ZNF451: variants seen among roughly 807,000 people sequenced by gnomAD.
ZNF451 encodes the protein E3 SUMO-protein ligase ZNF451.
ZNF451 carries 80 observed loss-of-function variants against 107.1 expected under a neutral mutation model. That is an observed-to-expected ratio of 0.75 (90% confidence interval 0.62 to 0.90). The LOEUF is 0.90. ZNF451 is among the 40% of genes least tolerant of loss of function. The pLI is 0.00. For synonymous variants in ZNF451, 362 were observed against 406.5 expected (o/e 0.89, Z 1.32); for missense variants, 1,107 against 1,236.2 (o/e 0.90, Z 1.57).
At position 57,152,276 on chromosome 6, in the gene ZNF451, C is replaced by T; in HGVS notation, c.2808C>T (p.Asn936=). 1 of 1,613,840 alleles carries T rather than the reference C, an allele frequency of 6.2e-7. No homozygotes were observed. The highest frequency in any genetic ancestry group is 8.5e-7 in the Non-Finnish European group (1 of 1,179,882). ...ACTGTAAGATTTATAACTACCTGAACAGGATTGGATGCTTCTTCCTTCATC... is the reference window on the plus strand; with the variant it reads ...ACTGTAAGATTTATAACTACCTGAATAGGATTGGATGCTTCTTCCTTCATC... The part of the protein sequence containing the change: ...PLNCKIYNYL[N]RIGCFFLHPR... The change falls in exon 12 of 15, where the codon AAC becomes AAT. Residue 936 remains asparagine (N), a synonymous_variant. Transcript: ENST00000370706.
At chr6:57,094,635 A>G (rs968259362) in intron 2 of ZNF451, among the ~76,000 whole-genome samples, 1 of 152,142 alleles carries the variant, frequency 6.6e-6, no homozygotes, top group African/African-American at 2.4e-5. Context: ...ATTATACCAA[A>G]TTATTTTTTC....
At chr6:57,099,195 T>C in intron 3 of ZNF451, 54 bp downstream of exon 3, 2 of 1,373,826 alleles carry the variant, frequency 1.5e-6, no homozygotes, top group Non-Finnish European at 2.1e-6. Flanking sequence ...TTAAGAGGTA[T>C]TCTCTAAAGA....
chr6:57,161,137 T>C lies in ZNF451; in HGVS notation c.3124T>C (p.Phe1042Leu). 1.3e-6 allele frequency: 2 copies of C among 1,535,248 alleles called. No individual in the cohort carries two copies. The highest frequency in any genetic ancestry group is 2.4e-5 in the East Asian group (1 of 42,086). ...CAAAAATACTTCAATAGGAGAAGAA[T>C]TTATATCCACAGAAGGTAACCTAAT... The part of the protein sequence containing the change: ...GAKNTSIGEE[F>L]ISTEDVELEE... Residue 1042 changes from phenylalanine to leucine, a missense_variant, in exon 14 of 15, where the codon TTT becomes CTT. Coordinates refer to ENST00000370706, the MANE Select transcript of ZNF451 (RefSeq NM_001031623.3).
At chr6:57,100,921 A>T in intron 3 of ZNF451, 2 of 1,550,838 alleles carry the variant, frequency 1.3e-6, no homozygotes, top group South Asian at 1.2e-5. Flanking sequence ...GAATTTACGT[A>T]TAGATTCTTC....
intron 7 of ZNF451, among the ~76,000 whole-genome samples, chr6:57,138,055 C>G (rs1831521077): frequency 6.6e-6 from 1 of 152,158 alleles, no homozygotes; most frequent in African/African-American, 2.4e-5. Flanking sequence ...AACAATGCTT[C>G]TATAAACCAA....
intron 7 of ZNF451, among the ~76,000 whole-genome samples, chr6:57,138,043 C>A (rs966059119): frequency 6.6e-6 from 1 of 152,164 alleles, no homozygotes; most frequent in Non-Finnish European, 1.5e-5. Flanking sequence ...TTGGCTGTTA[C>A]GAACAATGCT....
chr6:57,098,969 C>A, intron 2 of ZNF451, 92 bp from the exon 3 acceptor site: 1 of 901,432 alleles, frequency 1.1e-6, no homozygotes, highest in Non-Finnish European at 1.8e-6. Flanking sequence ...GTAATTCTTG[C>A]CAGTCCCAAC....
intron 5 of ZNF451, among the ~76,000 whole-genome samples, chr6:57,132,633 G>A (rs1190170063): frequency 2.6e-5 from 4 of 152,026 alleles, no homozygotes; most frequent in Non-Finnish European, 4.4e-5. Context: ...GAGTAGGGGC[G>A]TAACCTTCTA....
At chr6:57,157,970 G>A (rs548370518) in intron 13 of ZNF451, among the ~76,000 whole-genome samples, 1 of 152,192 alleles carries the variant, frequency 6.6e-6, no homozygotes, top group African/African-American at 2.4e-5. Flanking sequence ...TATGTTTGTA[G>A]TGTTTACAGA....
chr6:57,117,378 T>C (rs916642623), intron 3 of ZNF451, among the ~76,000 whole-genome samples: 1 of 151,676 alleles, frequency 6.6e-6, no homozygotes, highest in Non-Finnish European at 1.5e-5. Flanking sequence ...TGTAGTTAAA[T>C]AAAATATGTA....
In ZNF451 at chr6:57,169,734, T is replaced by C. The variant is rs1245158232; in HGVS notation, c.*1265T>C. ...TTTCTTGATATGTCACTTCTGTTCC[T>C]CCCTGCTTGCATTTTTTAAAAACTA... is the stretch of plus-strand genomic sequence containing the variant. On this transcript the variant is annotated 3_prime_UTR_variant, in exon 15 of 15. Transcript: ENST00000370706. The C allele has an allele frequency of 6.6e-6, 1 of 152,204 alleles. No individual in the cohort carries two copies. The highest frequency in any genetic ancestry group is 2.4e-5 in the African/African-American group (1 of 41,458). 9.4% of individuals were successfully genotyped at this position (152,204 alleles called of 1,614,324 possible).
chr6:57,124,437 G>T, intron 3 of ZNF451: 1 of 716,186 alleles, frequency 1.4e-6, no homozygotes, highest in Admixed American at 2.0e-5. Context: ...AGGGGTCGGC[G>T]CTTTGCCTGA....
At chr6:57,109,422 T>G (rs1830014064) in intron 3 of ZNF451, 2 of 985,326 alleles carry the variant, frequency 2.0e-6, no homozygotes, top group Non-Finnish European at 2.4e-6. Flanking sequence ...GCAAGTCACT[T>G]GTTTTCTGAG....
intron 2 of ZNF451, 93 bp from the exon 3 acceptor site, chr6:57,098,968 G>T: frequency 2.3e-6 from 2 of 884,050 alleles, no homozygotes; most frequent in Non-Finnish European, 3.7e-6. Context: ...AGTAATTCTT[G>T]CCAGTCCCAA....
At chr6:57,165,639 A>G (rs1490367519) in intron 14 of ZNF451, 1 of 152,042 alleles carries the variant, frequency 6.6e-6, no homozygotes, top group African/African-American at 2.4e-5. Context: ...ATTCTGCCTC[A>G]TTATTGGTAC....
At chr6:57,106,769 A>G (rs1829884004) in intron 3 of ZNF451, 5 of 985,336 alleles carry the variant, frequency 5.1e-6, no homozygotes, top group Non-Finnish European at 6.0e-6. Context: ...ATGTGATTCA[A>G]TAGACTAGAT....
At chr6:57,154,315 T>C (rs958219547) in intron 13 of ZNF451, 9 of 529,756 alleles carry the variant, frequency 1.7e-5, no homozygotes, top group African/African-American at 3.8e-5. Flanking sequence ...CATATATTCA[T>C]GTGTTACAGT....
intron 3 of ZNF451, 155 bp from the exon 4 acceptor site, chr6:57,124,579 A>G (rs1212907330): frequency 1.4e-6 from 1 of 701,770 alleles, no homozygotes; most frequent in African/African-American, 1.8e-5. Context: ...TAATTGACAG[A>G]CCTACAAAAT....
chr6:57,147,241 C>T lies in ZNF451; in HGVS notation c.1156C>T (p.His386Tyr). ...STQNHKQNSG[H>Y]KVRVINSVEE... ...CCAAAATCATAAGCAGAATTCAGGA[C>T]ACAAAGTCCGAGTCATTAACTCAGT... The change falls in exon 10 of 15, where the codon CAC (histidine) becomes TAC (tyrosine). Residue 386 changes from histidine (H) to tyrosine (Y), a missense_variant. Physicochemically the swap from His to Tyr is moderately conservative, Grantham distance 83. Coordinates refer to ENST00000370706, the MANE Select transcript of ZNF451 (RefSeq NM_001031623.3). 1.2e-6 allele frequency: 2 copies of T among 1,614,064 alleles called. No individual in the cohort carries two copies. Among genetic ancestry groups the T allele is most frequent in the South Asian group, 1.1e-5 (1 of 91,076 alleles).
Sources: gnomAD v4.1 joint callset for allele counts (sites outside exome capture counted in the v4.1 genomes callset) on GRCh38, gnomAD v4.1.1 for gene constraint, MANE v1.5 for transcripts, NCBI Gene and HGNC (gene_info 2026-07-23, HGNC 2026-07-21) for gene names.